The following VPS8 variants were observed in gnomAD, a reference collection of about 807,000 sequenced individuals.
VPS8 encodes vacuolar protein sorting-associated protein 8 homolog.
VPS8 carries 129 observed loss-of-function variants against 216.4 expected under a neutral mutation model. That is an observed-to-expected ratio of 0.60 (90% confidence interval 0.52 to 0.69). The LOEUF (loss-of-function observed/expected upper bound fraction) is 0.69, where lower values mean the gene tolerates loss of function less well. Among genes scored for constraint, VPS8 ranks in the 30% least tolerant of loss-of-function variants. The pLI, the probability that VPS8 is intolerant of heterozygous loss-of-function variation, is 0.00. For missense variants in VPS8, 1,531 were observed against 1,683.5 expected (o/e 0.91, Z 1.59); for synonymous variants, 571 against 565.4 (o/e 1.01, Z -0.14).
At chr3:185,041,643 T>A (rs1409820226) in intron 46 of VPS8, among the ~76,000 whole-genome samples, 1 of 152,214 alleles carries the variant, frequency 6.6e-6, no homozygotes, top group Admixed American at 6.5e-5. Context: ...ACAGAGCCAC[T>A]AGCAGCCTGT....
intron 45 of VPS8, among the ~76,000 whole-genome samples, chr3:185,007,344 A>G (rs556941229): frequency 6.6e-6 from 1 of 152,352 alleles, no homozygotes; most frequent in Non-Finnish European, 1.5e-5. Context: ...TTACTCACTT[A>G]CATTAATACA....
chr3:184,919,642 A>G (rs1159127666), intron 28 of VPS8, among the ~76,000 whole-genome samples: 1 of 152,100 alleles, frequency 6.6e-6, no homozygotes, highest in Non-Finnish European at 1.5e-5. Flanking sequence ...TTTTTTTACC[A>G]TAATAATTTT....
chr3:184,947,271 G>A (rs1743854791), intron 36 of VPS8, among the ~76,000 whole-genome samples: 1 of 152,104 alleles, frequency 6.6e-6, no homozygotes, highest in Non-Finnish European at 1.5e-5. Flanking sequence ...CAATATTTTG[G>A]GGAGATGTAT....
intron 36 of VPS8, among the ~76,000 whole-genome samples, chr3:184,949,803 A>G (rs1242327346): frequency 6.6e-6 from 1 of 152,112 alleles, no homozygotes; most frequent in Admixed American, 6.5e-5. Context: ...TTTAACTCAC[A>G]ATGTGTATGG....
Position 184,993,988 on chromosome 3 carries a change from A to C in VPS8, c.3591A>C (p.Pro1197=). 1 of 1,557,284 alleles carries C rather than the reference A, an allele frequency of 6.4e-7. No individual in the cohort carries two copies. Among genetic ancestry groups the C allele is most frequent in the African/African-American group, 1.4e-5 (1 of 73,428 alleles). ...TTGTAATTTTTTCCGATTAGGATCCAGTTTATGGAAAAGGAAAACTTGGAG... is the reference window on the plus strand; with the variant it reads ...TTGTAATTTTTTCCGATTAGGATCCCGTTTATGGAAAAGGAAAACTTGGAG... ...PSILQRILQD[P]VYGKGKLGEI... is the part of the protein sequence containing the mutation. The change falls in exon 43 of 48, where the codon CCA becomes CCC. Residue 1197 remains proline, a synonymous_variant. Coordinates refer to ENST00000625842, the MANE Select transcript of VPS8 (RefSeq NM_001009921.3).
chr3:184,863,193 A>G (rs1474508885), intron 16 of VPS8, 126 bp downstream of exon 16: 1 of 1,155,952 alleles, frequency 8.7e-7, no homozygotes, highest in African/African-American at 1.5e-5. Context: ...GTTTCTTTAC[A>G]AGCCACTAGG....
At chr3:184,859,845 G>A in intron 14 of VPS8, 140 bp from the exon 15 acceptor site, 1 of 572,604 alleles carries the variant, frequency 1.7e-6, no homozygotes, top group Non-Finnish European at 3.1e-6. Flanking sequence ...AATCATTTGT[G>A]TAATTATCAG....
intron 21 of VPS8, among the ~76,000 whole-genome samples, chr3:184,881,954 TATTA>T (rs530387951): frequency 2.0e-4 from 31 of 152,086 alleles, no homozygotes; most frequent in Non-Finnish European, 3.5e-4. Context: ...AGAACTCATT[TATTA>T]ATTCTAGAAT....
intron 36 of VPS8, among the ~76,000 whole-genome samples, chr3:184,941,330 C>G (rs1007877239): frequency 1.5e-5 from 2 of 136,944 alleles, no homozygotes; most frequent in Non-Finnish European, 3.3e-5. Flanking sequence ...AGACTGATTA[C>G]AAAGCCCCCT....
At chr3:184,924,570 T>C (rs994233153) in intron 29 of VPS8, among the ~76,000 whole-genome samples, 1 of 152,072 alleles carries the variant, frequency 6.6e-6, no homozygotes, top group Non-Finnish European at 1.5e-5. Flanking sequence ...GAGGGAAACG[T>C]GATTAATATT....
At chr3:184,935,827 G>A (rs571813402) in intron 34 of VPS8, among the ~76,000 whole-genome samples, 2 of 152,304 alleles carry the variant, frequency 1.3e-5, no homozygotes, top group African/African-American at 4.8e-5. Context: ...CTAGGCACCA[G>A]AAGTAAAGTT....
chr3:184,928,392 C>T (rs996097371), intron 31 of VPS8, 59 bp from the exon 32 acceptor site: 2 of 1,390,262 alleles, frequency 1.4e-6, no homozygotes, highest in Non-Finnish European at 1.9e-6. Flanking sequence ...TGGCTGAATG[C>T]ACTCTTAAAG....
At chr3:184,833,247 A>G (rs1720376782) in intron 4 of VPS8, among the ~76,000 whole-genome samples, 1 of 152,184 alleles carries the variant, frequency 6.6e-6, no homozygotes, top group African/African-American at 2.4e-5. Flanking sequence ...TTAAAAATTC[A>G]GGAAAAGGAC....
chr3:184,983,811 C>T (rs1459097933), intron 42 of VPS8, among the ~76,000 whole-genome samples: 5 of 141,290 alleles, frequency 3.5e-5, no homozygotes, highest in East Asian at 2.3e-4. Context: ...CAAAGCAAAC[C>T]GTAATATGAT....
At position 184,866,760 on chromosome 3, in the gene VPS8, A is replaced by G. The variant is rs1727432263; in HGVS notation, c.1396-116A>G. 3.3e-6 allele frequency: 3 copies of G among 910,584 alleles called. No homozygotes were observed. In the Admixed American group the frequency reaches 8.0e-5, roughly 24 times the overall value. The allele number at this position is 910,584 out of a possible 1,614,324, so 56.4% of individuals were successfully genotyped here. The stretch of plus-strand genomic sequence containing the variant: ...TGAGATAAGTTACACATTGTAAACT[A>G]TAATCACTAAAAAAGACGTGTAACT... On this transcript the variant is annotated intron_variant, in intron 16 of 47. Transcript: ENST00000625842.
At chr3:184,957,095 AAC>A (rs1251938467) in intron 36 of VPS8, among the ~76,000 whole-genome samples, 1 of 152,226 alleles carries the variant, frequency 6.6e-6, no homozygotes, top group Non-Finnish European at 1.5e-5. Context: ...TTTAGAATAA[AAC>A]ACAACTTTTG....
chr3:185,031,063 G>GTTTTTTTGT (rs1758058420), intron 46 of VPS8, among the ~76,000 whole-genome samples: 1 of 64,346 alleles, frequency 1.6e-5, no homozygotes, highest in African/African-American at 6.9e-5. Flanking sequence ...ACAGGTTGGC[G>GTTTTTTTGT]TTTTTTTTTT....
At chr3:185,040,216 G>A (rs979263182) in intron 46 of VPS8, among the ~76,000 whole-genome samples, 10 of 152,088 alleles carry the variant, frequency 6.6e-5, no homozygotes, top group Admixed American at 2.0e-4. Context: ...GTGTTGGAGG[G>A]AACAACATCC....
intron 25 of VPS8, among the ~76,000 whole-genome samples, chr3:184,910,467 C>T (rs1736296652): frequency 6.6e-6 from 1 of 152,170 alleles, no homozygotes; most frequent in Non-Finnish European, 1.5e-5. Context: ...AAGGAACTCT[C>T]CACCAGAGCC....
Sources: gnomAD v4.1 joint callset for allele counts (sites outside exome capture counted in the v4.1 genomes callset) on GRCh38, gnomAD v4.1.1 for gene constraint, MANE v1.5 for transcripts, NCBI Gene and HGNC (gene_info 2026-07-23, HGNC 2026-07-21) for gene names.